The following MED12L variants were observed in gnomAD, a reference collection of about 807,000 sequenced individuals.
MED12L encodes the protein mediator complex subunit 12L, also known as mediator of RNA polymerase II transcription subunit 12-like protein.
A neutral mutation model predicts 281.3 loss-of-function variants in MED12L; 60 were observed. The ratio of observed to expected loss-of-function variants is 0.21; its 90% CI spans 0.17 to 0.26. The LOEUF (loss-of-function observed/expected upper bound fraction) is 0.26, where lower values mean the gene tolerates loss of function less well. Among genes scored for constraint, MED12L ranks in the 10% least tolerant of loss-of-function variants. The probability of loss-of-function intolerance (pLI) is 1.00; values close to 1 mark genes in which losing one functional copy is unlikely to be tolerated. For synonymous variants in MED12L, 974 were observed against 987.2 expected, an observed-to-expected ratio of 0.99 and a Z score of 0.25; for missense variants, 2,146 against 2,680.9, an observed-to-expected ratio of 0.80 and a Z score of 4.41.
chr3:151,354,801 G>A (rs1215279447), intron 17 of MED12L, among the ~76,000 whole-genome samples: 1 of 152,144 alleles, frequency 6.6e-6, no homozygotes, highest in African/African-American at 2.4e-5. Context: ...TTGATTGCAA[G>A]ATGCCAGATG....
At chr3:151,417,766 G>A (rs556607419) in intron 43 of MED12L, among the ~76,000 whole-genome samples, 50 of 152,128 alleles carry the variant, frequency 3.3e-4, no homozygotes, top group African/African-American at 1.2e-3. Flanking sequence ...CACTGTGCCC[G>A]GCCTATTCCC....
intron 16 of MED12L, among the ~76,000 whole-genome samples, chr3:151,218,284 G>T (rs563328182): frequency 3.0e-4 from 46 of 152,326 alleles, no homozygotes; most frequent in African/African-American, 1.0e-3. Context: ...GCTCATGCCA[G>T]TCCATTAAAG....
At chr3:151,158,635 T>G in intron 6 of MED12L, 54 bp from the exon 7 acceptor site, 2 of 1,234,166 alleles carry the variant, frequency 1.6e-6, no homozygotes, top group South Asian at 2.6e-5. Flanking sequence ...GACAGTGCCT[T>G]TTTTGTTTTT....
intron 27 of MED12L, among the ~76,000 whole-genome samples, chr3:151,375,625 G>A (rs992925891): frequency 8.9e-4 from 135 of 152,152 alleles, no homozygotes; most frequent in African/African-American, 2.8e-3. Context: ...ATACTATGTT[G>A]TATCTAGTCA....
chr3:151,212,995 T>G (rs375300755), intron 16 of MED12L: 2 of 168,892 alleles, frequency 1.2e-5, no homozygotes, highest in African/African-American at 4.8e-5. Context: ...ATTTCTACAT[T>G]AACTGACCAG....
chr3:151,369,317 G>A (rs1755888674), intron 25 of MED12L, 119 bp from the exon 26 acceptor site: 1 of 573,614 alleles, frequency 1.7e-6, no homozygotes, highest in South Asian at 2.9e-5. Context: ...ATCAATTAAA[G>A]CAAGCTAATG....
At chr3:151,312,577 A>G (rs1265311271) in intron 16 of MED12L, among the ~76,000 whole-genome samples, 2 of 152,172 alleles carry the variant, frequency 1.3e-5, no homozygotes, top group African/African-American at 4.8e-5. Context: ...CTGGTGGTCA[A>G]GAGACAGTAA....
chr3:151,427,323 C>G (rs1718988428), intron 43 of MED12L, among the ~76,000 whole-genome samples: 1 of 152,118 alleles, frequency 6.6e-6, no homozygotes, highest in South Asian at 2.1e-4. Flanking sequence ...GGGGACCTCT[C>G]CCAGGAATCC....
chr3:151,307,680 C>G (rs1746893517), intron 16 of MED12L, among the ~76,000 whole-genome samples: 1 of 151,774 alleles, frequency 6.6e-6, no homozygotes, highest in African/African-American at 2.4e-5. Context: ...AACCTCAAAC[C>G]TGACTATTCT....
intron 16 of MED12L, among the ~76,000 whole-genome samples, chr3:151,246,806 A>G (rs1735620254): frequency 6.6e-6 from 1 of 152,226 alleles, no homozygotes; most frequent in African/African-American, 2.4e-5. Context: ...TGCACAGCAA[A>G]AGATACTACC....
intron 43 of MED12L, among the ~76,000 whole-genome samples, chr3:151,428,129 T>C (rs1719072138): frequency 6.6e-6 from 1 of 152,236 alleles, no homozygotes; most frequent in African/African-American, 2.4e-5. Flanking sequence ...TAGGAGTGTT[T>C]CTTAGTAAAC....
chr3:151,193,965 CTTTTT>C (rs34461662), intron 16 of MED12L, among the ~76,000 whole-genome samples: 1 of 123,508 alleles, frequency 8.1e-6, no homozygotes, highest in African/African-American at 3.0e-5. Context: ...TTTTTCTTTT[CTTTTT>C]TTTTTTTTTT....
Position 151,192,656 on chromosome 3 carries a change from T to G in MED12L, c.2073+2T>G. 1 of 1,509,574 alleles carries G rather than the reference T, an allele frequency of 6.6e-7. No homozygotes were observed. The highest frequency in any genetic ancestry group is 8.9e-7 in the Non-Finnish European group (1 of 1,122,288). The allele number at this position is 1,509,574 out of a possible 1,614,324, so 93.5% of individuals were successfully genotyped here. A position where few individuals can be genotyped will look rare whatever the true frequency, so the allele number is the denominator to read the frequency against. Reference sequence around the variant, plus strand: ...ACTGACTTTGGTTCGGAATTTCCAGTAGGTTCAATCTTTGATTCTTATTGA... The same window carrying G: ...ACTGACTTTGGTTCGGAATTTCCAGGAGGTTCAATCTTTGATTCTTATTGA... On this transcript the variant is annotated splice_donor_variant, in intron 15 of 44. Coordinates refer to ENST00000687756, the MANE Select transcript of MED12L (RefSeq NM_001393769.1). LOFTEE classifies it high-confidence loss of function.
chr3:151,364,826 A>G (rs1314706115), intron 21 of MED12L, among the ~76,000 whole-genome samples, 153 bp from the exon 22 acceptor site: 1 of 152,196 alleles, frequency 6.6e-6, no homozygotes, highest in African/African-American at 2.4e-5. Flanking sequence ...GATTAGCGCC[A>G]ATTAGTAAGA....
intron 14 of MED12L, among the ~76,000 whole-genome samples, chr3:151,192,311 A>G (rs1245589967): frequency 6.6e-6 from 1 of 152,182 alleles, no homozygotes; most frequent in African/African-American, 2.4e-5. Flanking sequence ...TTTAATCCGG[A>G]TGTTTGTGTG....
chr3:151,209,526 A>G (rs1440741612), intron 16 of MED12L, among the ~76,000 whole-genome samples: 2 of 152,160 alleles, frequency 1.3e-5, no homozygotes. Context: ...ATAGTGAACA[A>G]AAGGAAGTAA....
At chr3:151,143,690 T>TCC (rs1717362946) in intron 5 of MED12L, among the ~76,000 whole-genome samples, 1 of 152,058 alleles carries the variant, frequency 6.6e-6, no homozygotes, top group African/African-American at 2.4e-5. Context: ...TACAGCATTG[T>TCC]CCCCCAAGAC....
chr3:151,288,341 C>T (rs1014761241), intron 16 of MED12L, among the ~76,000 whole-genome samples: 1 of 152,186 alleles, frequency 6.6e-6, no homozygotes, highest in Non-Finnish European at 1.5e-5. Flanking sequence ...GTCTATTTTA[C>T]ATATAAATGT....
chr3:151,252,672 T>C (rs1365563051), intron 16 of MED12L, among the ~76,000 whole-genome samples: 1 of 152,228 alleles, frequency 6.6e-6, no homozygotes, highest in East Asian at 1.9e-4. Flanking sequence ...AATATGTTCA[T>C]TTTTATTTTT....
Sources: allele counts gnomAD v4.1 joint callset (sites outside exome capture counted in the v4.1 genomes callset), GRCh38; gene constraint gnomAD v4.1.1; transcripts MANE v1.5; gene names NCBI Gene and HGNC (gene_info 2026-07-23, HGNC 2026-07-21).